NYAP2: variants seen among roughly 807,000 people sequenced by gnomAD.
The protein encoded by NYAP2 is neuronal tyrosine-phosphorylated phosphoinositide-3-kinase adaptor 2.
In NYAP2, 23 loss-of-function variants were observed where a neutral mutation model predicts 50.4. That is an observed-to-expected ratio of 0.46 (90% confidence interval 0.33 to 0.65). The LOEUF (loss-of-function observed/expected upper bound fraction) is 0.65. Ranked by LOEUF, NYAP2 falls within the 30% of genes least tolerant of loss-of-function variation. The pLI is 0.02. For missense variants in NYAP2, 885 were observed against 861.0 expected (o/e 1.03, Z -0.35); for synonymous variants, 394 against 365.2 (o/e 1.08, Z -0.90).
intron 3 of NYAP2, among the ~76,000 whole-genome samples, chr2:225,423,786 T>C (rs571902160): frequency 6.6e-6 from 1 of 152,290 alleles, no homozygotes; most frequent in Admixed American, 6.5e-5. Flanking sequence ...CTCTTGTTAG[T>C]TGCTGATAAG....
rs1210897989 is a variant in NYAP2 at position 225,459,523 on chromosome 2, C to CAT, written c.221+50424_221+50425dup. 1.3e-5 allele frequency among the ~76,000 whole-genome samples: 2 copies of CAT among 152,108 alleles called. 1 individual carries two copies. Among genetic ancestry groups the CAT allele is most frequent in the African/African-American group, 4.8e-5 (2 of 41,394 alleles). On this transcript the variant is annotated intron_variant, in intron 3 of 6. Transcript: ENST00000636099. ...TTAAGCTTCCATATAATTACTTCAA[C>CAT]ATACTGAAACTTAAATTGAATAATT...
At chr2:225,680,260 G>C in the NYAP2 span, among the ~76,000 whole-genome samples, 1 of 152,190 alleles carries the variant, frequency 6.6e-6, no homozygotes, top group Non-Finnish European at 1.5e-5. Flanking sequence ...CTGGCAGAAT[G>C]TAATGTGTTT....
intron 3 of NYAP2, among the ~76,000 whole-genome samples, chr2:225,501,297 G>A (rs1029185014): frequency 3.9e-5 from 6 of 152,170 alleles, no homozygotes; most frequent in Non-Finnish European, 7.4e-5. Context: ...CCAGAGAGTA[G>A]CCTCTTGACT....
chr2:225,517,041 A>G (rs1194922515), intron 4 of NYAP2, among the ~76,000 whole-genome samples: 2 of 152,066 alleles, frequency 1.3e-5, no homozygotes, highest in African/African-American at 4.8e-5. Context: ...TTTTCAGAGT[A>G]GAAAAAAATA....
intron 5 of NYAP2, among the ~76,000 whole-genome samples, chr2:225,619,425 A>G (rs1007775256): frequency 2.6e-5 from 4 of 152,230 alleles, no homozygotes; most frequent in African/African-American, 9.6e-5. Context: ...CCTAGAGCTT[A>G]AAAGAGATCT....
intron 6 of NYAP2, among the ~76,000 whole-genome samples, chr2:225,649,137 A>T (rs1210230974): frequency 6.6e-6 from 1 of 152,170 alleles, no homozygotes; most frequent in African/African-American, 2.4e-5. Flanking sequence ...GAGAGCTAGC[A>T]TTCACTAAAA....
At chr2:225,650,327 T>C (rs919443372) in intron 6 of NYAP2, among the ~76,000 whole-genome samples, 1 of 152,242 alleles carries the variant, frequency 6.6e-6, no homozygotes, top group Non-Finnish European at 1.5e-5. Context: ...ACATTTTCTT[T>C]TCTTCCAACG....
chr2:225,681,855 T>C, the NYAP2 span, among the ~76,000 whole-genome samples: 1 of 152,144 alleles, frequency 6.6e-6, no homozygotes, highest in Non-Finnish European at 1.5e-5. Context: ...TCTTCATCTA[T>C]AAAGTGAGCA....
chr2:225,424,986 A>T (rs963840292), intron 3 of NYAP2, among the ~76,000 whole-genome samples: 12 of 152,212 alleles, frequency 7.9e-5, no homozygotes, highest in Non-Finnish European at 1.3e-4. Flanking sequence ...GTATGTCTAA[A>T]CTGACACATA....
At chr2:225,507,188 A>G (rs1361059177) in intron 3 of NYAP2, among the ~76,000 whole-genome samples, 1 of 152,276 alleles carries the variant, frequency 6.6e-6, no homozygotes, top group East Asian at 1.9e-4. Flanking sequence ...ATCATTATCT[A>G]TCTGGGGTGG....
chr2:225,461,609 G>T (rs1018352235), intron 3 of NYAP2, among the ~76,000 whole-genome samples: 1 of 152,124 alleles, frequency 6.6e-6, no homozygotes. Context: ...TTGCTTCATA[G>T]CTTGTACCAT....
chr2:225,582,432 T>C lies in NYAP2; in HGVS notation c.1015T>C (p.Phe339Leu). 1.3e-6 allele frequency: 2 copies of C among 1,576,900 alleles called. No individual in the cohort carries two copies. Among genetic ancestry groups the C allele is most frequent in the Non-Finnish European group, 1.7e-6 (2 of 1,157,102 alleles). Residue 339 changes from phenylalanine to leucine, a missense_variant, in exon 5 of 7, where the codon TTT becomes CTT. By Grantham distance (22) the Phe-to-Leu change is conservative. Transcript: ENST00000636099. This position sits in a 1 kb window ranked among gnomAD's most constrained non-coding sequence, Gnocchi z 7.0. ...TTCTCACAGACCCCCGCTGCTGGTATTTCCCCCCGCCCCCGTGCATTGCTC... is the reference window on the plus strand; with the variant it reads ...TTCTCACAGACCCCCGCTGCTGGTACTTCCCCCCGCCCCCGTGCATTGCTC...
At chr2:225,511,373 C>CAGAG (rs67828728) in intron 3 of NYAP2, among the ~76,000 whole-genome samples, 5,185 of 117,548 alleles carry the variant, frequency 0.044, 138 homozygotes, top group African/African-American at 0.05. Context: ...CACACACACA[C>CAGAG]AGAGAGAGAG....
At chr2:225,488,532 C>A (rs1690344728) in intron 3 of NYAP2, among the ~76,000 whole-genome samples, 2 of 152,142 alleles carry the variant, frequency 1.3e-5, no homozygotes, top group Non-Finnish European at 2.9e-5. Flanking sequence ...TACCACCAAG[C>A]CCAGCTAATT....
chr2:225,495,955 C>G (rs926642492), intron 3 of NYAP2, among the ~76,000 whole-genome samples: 3 of 152,144 alleles, frequency 2.0e-5, no homozygotes, highest in Admixed American at 6.5e-5. Context: ...TGATCTTGAC[C>G]TCCGCATTTG....
At chr2:225,665,573 CTT>C in the NYAP2 span, among the ~76,000 whole-genome samples, 1 of 143,698 alleles carries the variant, frequency 7.0e-6, no homozygotes. Flanking sequence ...TCCCTAGCTC[CTT>C]TTTTTTTTGA....
At chr2:225,588,644 T>C (rs1432407298) in intron 5 of NYAP2, among the ~76,000 whole-genome samples, 1 of 152,248 alleles carries the variant, frequency 6.6e-6, no homozygotes, top group Non-Finnish European at 1.5e-5. Flanking sequence ...TATTTTTAAA[T>C]ATATTTCTAC....
intron 3 of NYAP2, among the ~76,000 whole-genome samples, chr2:225,424,167 A>C (rs1695254446): frequency 6.6e-6 from 1 of 152,166 alleles, no homozygotes; most frequent in African/African-American, 2.4e-5. Flanking sequence ...CGTAGATTTT[A>C]AAAAGTGAAC....
intron 6 of NYAP2, among the ~76,000 whole-genome samples, chr2:225,648,987 T>A (rs1693684737): frequency 6.6e-6 from 1 of 152,118 alleles, no homozygotes; most frequent in Non-Finnish European, 1.5e-5. Flanking sequence ...GGAATGCATA[T>A]CACAGGTGGA....
Sources: gnomAD v4.1 joint callset for allele counts (sites outside exome capture counted in the v4.1 genomes callset) on GRCh38, gnomAD v4.1.1 for gene constraint, Gnocchi (gnomAD v3.1) non-coding constraint, MANE v1.5 for transcripts, NCBI Gene and HGNC (gene_info 2026-07-23, HGNC 2026-07-21) for gene names.